RUVBL1: variants seen among roughly 807,000 people sequenced by gnomAD.
The protein encoded by RUVBL1 is RuvB like AAA ATPase 1, also known as ruvB-like 1.
In RUVBL1, 4 loss-of-function variants were observed where a neutral mutation model predicts 52.4. The observed-to-expected ratio is 0.08, with a 90% CI of 0.04 to 0.17. RUVBL1 has a LOEUF of 0.17. RUVBL1 is among the 10% of genes least tolerant of loss of function. The pLI is 1.00. For missense variants in RUVBL1, 298 were observed against 572.8 expected (o/e 0.52, Z 4.90); for synonymous variants, 217 against 214.4 (o/e 1.01, Z -0.10).
intron 1 of RUVBL1, among the ~76,000 whole-genome samples, chr3:128,152,344 C>T (rs935000740): frequency 3.3e-5 from 5 of 152,136 alleles, no homozygotes; most frequent in African/African-American, 1.2e-4. Context: ...ATAATGTTGT[C>T]CTCTTCCATC....
upstream of RUVBL1, among the ~76,000 whole-genome samples, chr3:128,128,739 G>A (rs562409305): frequency 6.6e-6 from 1 of 152,186 alleles, no homozygotes; most frequent in Non-Finnish European, 1.5e-5. Context: ...CAATTCCTAT[G>A]TAAAGAGAGG....
At chr3:128,076,770 C>T (rs1192032502), downstream of RUVBL1, among the ~76,000 whole-genome samples, 1 of 152,162 alleles carries the variant, frequency 6.6e-6, no homozygotes, top group Non-Finnish European at 1.5e-5. The surrounding 1 kb of genome is among the most constrained non-coding windows in gnomAD (Gnocchi z 6.8). Flanking sequence ...CAGCCCGCAT[C>T]CCGCCGTGTC....
At chr3:128,087,297 A>T (rs1942676196) in intron 9 of RUVBL1, among the ~76,000 whole-genome samples, 1 of 152,262 alleles carries the variant, frequency 6.6e-6, no homozygotes, top group Non-Finnish European at 1.5e-5. Flanking sequence ...CTCTGAGTAG[A>T]AAAGGCCACA....
intron 8 of RUVBL1, among the ~76,000 whole-genome samples, chr3:128,094,718 C>T (rs1206960985): frequency 6.6e-6 from 1 of 152,182 alleles, no homozygotes; most frequent in African/African-American, 2.4e-5. Context: ...GTTTCTGACA[C>T]ACAGGAAGCC....
At chr3:128,125,479 G>C (rs1559831338), upstream of RUVBL1, among the ~76,000 whole-genome samples, 2 of 152,148 alleles carry the variant, frequency 1.3e-5, no homozygotes, top group Non-Finnish European at 2.9e-5. Context: ...GACCACATTT[G>C]ATTGTTTACC....
chr3:128,094,512 G>A lies in RUVBL1; in HGVS notation c.1016+2788C>T, dbSNP rs375228308. 7.9e-5 allele frequency among the ~76,000 whole-genome samples: 12 copies of A among 152,322 alleles called. No individual in the cohort carries two copies. In the South Asian group the frequency reaches 8.3e-4, roughly 11 times the overall value. On this transcript the variant is annotated intron_variant, in intron 8 of 10. Coordinates refer to ENST00000322623, the MANE Select transcript of RUVBL1 (RefSeq NM_003707.3). ...CACAGCCCAGGGTCCACTGGGAAGC[G>A]GTGTGGGAGAGCAGTGAGAGCATGG... is the stretch of plus-strand genomic sequence containing the variant.
At chr3:128,121,805 G>C (rs1295030426) in intron 1 of RUVBL1, among the ~76,000 whole-genome samples, 1 of 151,794 alleles carries the variant, frequency 6.6e-6, no homozygotes, top group African/African-American at 2.4e-5. Flanking sequence ...GGAAACCCAA[G>C]GTAGAAGAGA....
In RUVBL1 at chr3:128,097,376, A is replaced by G; in HGVS notation, c.940T>C (p.Tyr314His). 1.2e-6 allele frequency: 2 copies of G among 1,614,232 alleles called. No individual in the cohort carries two copies. The highest frequency in any genetic ancestry group is 1.7e-6 in the Non-Finnish European group (2 of 1,180,042). Residue 314 changes from tyrosine (Y) to histidine (H), a missense_variant, in exon 8 of 11, where the codon TAC becomes CAC. Transcript: ENST00000322623. ...GAAGACTCCAGGGCGCGGTGCAGGT[A>G]GGTGAAGCACTCAATGTCCAGCATG... ...VHMLDIECFT[Y>H]LHRALESSIA...
intron 2 of RUVBL1, among the ~76,000 whole-genome samples, chr3:128,117,571 T>C (rs1403920779): frequency 6.6e-6 from 1 of 151,898 alleles, no homozygotes; most frequent in East Asian, 1.9e-4. Flanking sequence ...ACAAAGAGAA[T>C]GGGGAAAGGC....
Position 128,082,349 on chromosome 3 carries a change from C to A in RUVBL1, c.1211+134G>T. On this transcript the variant is annotated intron_variant, in intron 10 of 10. Coordinates refer to ENST00000322623, the MANE Select transcript of RUVBL1 (RefSeq NM_003707.3). This position sits in a 1 kb window ranked among gnomAD's most constrained non-coding sequence, Gnocchi z 4.7. ...ATTTGAAACTCAAGTGCCCTGGCAC[C>A]CATCGCGCCAGGAAGAGCGGATGGA... 1.5e-6 allele frequency: 1 copy of A among 665,668 alleles called. No individual in the cohort carries two copies. The highest frequency in any genetic ancestry group is 2.6e-5 in the Admixed American group (1 of 38,764). The allele number at this position is 665,668 out of a possible 1,614,324, so 41.2% of individuals were successfully genotyped here. A position where few individuals can be genotyped will look rare whatever the true frequency, so the allele number is the denominator to read the frequency against.
intron 3 of RUVBL1, among the ~76,000 whole-genome samples, chr3:128,109,180 G>A (rs1244514325): frequency 1.3e-5 from 2 of 152,128 alleles, no homozygotes; most frequent in African/African-American, 2.4e-5. Flanking sequence ...CGGTGGTGAC[G>A]GTATAAGCCT....
intron 9 of RUVBL1, among the ~76,000 whole-genome samples, chr3:128,073,813 C>T (rs1942236815): frequency 6.6e-6 from 1 of 152,224 alleles, no homozygotes; most frequent in Non-Finnish European, 1.5e-5. Flanking sequence ...CTTCAAAGCA[C>T]AGCTCAATAA....
chr3:128,113,156 A>T (rs781175433), intron 2 of RUVBL1, 136 bp from the exon 3 acceptor site: 1 of 966,192 alleles, frequency 1.0e-6, no homozygotes, highest in African/African-American at 1.7e-5. Context: ...CACACAATAA[A>T]TGTTTGATGA....
chr3:128,131,846 C>A (rs1174225550), intron 1 of RUVBL1, among the ~76,000 whole-genome samples: 1 of 152,202 alleles, frequency 6.6e-6, no homozygotes, highest in Non-Finnish European at 1.5e-5. Context: ...TGGCCAAATG[C>A]ACCCTCCAGA....
upstream of RUVBL1, among the ~76,000 whole-genome samples, chr3:128,125,818 T>G (rs1359823819): frequency 6.6e-6 from 1 of 152,234 alleles, no homozygotes; most frequent in Non-Finnish European, 1.5e-5. Context: ...GTCATTACTC[T>G]TAGAAAAGAA....
Position 128,103,976 on chromosome 3 carries a change from T to A in RUVBL1, c.513+797A>T, listed in dbSNP as rs188406004. Among the ~76,000 whole-genome samples, 23 of 152,302 alleles carry A rather than the reference T, an allele frequency of 1.5e-4. No individual in the cohort carries two copies. The East Asian group carries it at 4.4e-3, about 29-fold the overall frequency. ...GCTCTCACGATAACATTAACAGCTA[T>A]CATTCATTAGGTAACTAGGTGCCAC... On this transcript the variant is annotated intron_variant, in intron 4 of 10. Coordinates refer to ENST00000322623, the MANE Select transcript of RUVBL1 (RefSeq NM_003707.3).
At chr3:128,111,477 C>A (rs769563844) in intron 3 of RUVBL1, among the ~76,000 whole-genome samples, 12 of 152,154 alleles carry the variant, frequency 7.9e-5, no homozygotes, top group Non-Finnish European at 1.3e-4. Flanking sequence ...CCACATCTAA[C>A]CCTTTAGGAA....
chr3:128,131,225 G>C (rs1308009162), intron 1 of RUVBL1, among the ~76,000 whole-genome samples: 1 of 152,116 alleles, frequency 6.6e-6, no homozygotes, highest in African/African-American at 2.4e-5. Context: ...AAACAGGCTG[G>C]GCATGGTGGT....
At chr3:128,150,984 CTATATATAT>C (rs1219383445) in intron 1 of RUVBL1, among the ~76,000 whole-genome samples, 45 of 67,114 alleles carry the variant, frequency 6.7e-4, no homozygotes, top group African/African-American at 2.8e-4. Context: ...ATTATATATT[CTATATATAT>C]TATATATATT....
Sources: allele counts gnomAD v4.1 joint callset (sites outside exome capture counted in the v4.1 genomes callset), GRCh38; gene constraint gnomAD v4.1.1; non-coding constraint Gnocchi (gnomAD v3.1); transcripts MANE v1.5; gene names NCBI Gene and HGNC (gene_info 2026-07-23, HGNC 2026-07-21).